PLCG2: variants seen among roughly 807,000 people sequenced by gnomAD.
PLCG2 encodes the protein 1-phosphatidylinositol 4,5-bisphosphate phosphodiesterase gamma-2.
In PLCG2, 69 loss-of-function variants were observed where a neutral mutation model predicts 175.6. The ratio of observed to expected loss-of-function variants is 0.39; its 90% CI spans 0.32 to 0.48. The LOEUF (loss-of-function observed/expected upper bound fraction) is 0.48. Ranked by LOEUF, PLCG2 falls within the 20% of genes least tolerant of loss-of-function variation. The pLI is 0.91. For missense variants in PLCG2, 1,798 were observed against 1,650.9 expected, an observed-to-expected ratio of 1.09 and a Z score of -1.54; for synonymous variants, 827 against 624.0, an observed-to-expected ratio of 1.33 and a Z score of -4.85.
intron 2 of PLCG2, among the ~76,000 whole-genome samples, chr16:81,759,053 C>T (rs1284875135): frequency 6.6e-6 from 1 of 152,130 alleles, no homozygotes; most frequent in African/African-American, 2.4e-5. Context: ...TTTACATTTC[C>T]CAGGAAGTAT....
At chr16:81,783,747 G>A (rs142995039) in intron 1 of PLCG2, among the ~76,000 whole-genome samples, 1 of 152,338 alleles carries the variant, frequency 6.6e-6, no homozygotes, top group East Asian at 1.9e-4. Context: ...GGGGCACCTT[G>A]TTCATCCCTT....
chr16:81,789,516 T>C (rs1424001077), intron 2 of PLCG2, among the ~76,000 whole-genome samples: 1 of 152,214 alleles, frequency 6.6e-6, no homozygotes, highest in African/African-American at 2.4e-5. Flanking sequence ...CTCCAACTCC[T>C]GGCCTCAAGT....
rs12596299 is a variant in PLCG2 at position 81,938,678 on chromosome 16, T to G, written c.3199-123T>G. On this transcript the variant is annotated intron_variant, in intron 28 of 32. Coordinates refer to ENST00000564138, the MANE Select transcript of PLCG2 (RefSeq NM_002661.5). The stretch of plus-strand genomic sequence containing the variant: ...AGGTTGCTCCGGCTTTTCCAGTGAA[T>G]CTAGGAAAATTAGGGCTGGCATTGA... 0.52 allele frequency: 324,061 copies of G among 618,102 alleles called. 88,725 individuals are homozygous for G. The highest frequency in any genetic ancestry group is 0.58 in the Non-Finnish European group (201,063 of 348,490). The allele number at this position is 618,102 out of a possible 1,614,324, so 38.3% of individuals were successfully genotyped here. A position where few individuals can be genotyped will look rare whatever the true frequency, so the allele number is the denominator to read the frequency against.
chr16:81,803,558 C>CTTTCCTTTCCTTTCCTTTCCTTTCCT (rs1555507858), intron 2 of PLCG2, among the ~76,000 whole-genome samples: 11 of 132,476 alleles, frequency 8.3e-5, no homozygotes, highest in Middle Eastern at 3.5e-3. Flanking sequence ...CCTTTCTTTC[C>CTTTCCTTTCCTTTCCTTTCCTTTCCT]TTCCTTTCCT....
intron 1 of PLCG2, among the ~76,000 whole-genome samples, chr16:81,751,825 C>T (rs1477708341): frequency 6.6e-6 from 1 of 152,032 alleles, no homozygotes; most frequent in Non-Finnish European, 1.5e-5. Context: ...AGTTCAAGAG[C>T]AGCCTGGCCA....
At chr16:81,833,246 TG>T (rs1315256830) in intron 2 of PLCG2, among the ~76,000 whole-genome samples, 1 of 152,232 alleles carries the variant, frequency 6.6e-6, no homozygotes, top group Non-Finnish European at 1.5e-5. Context: ...TTTACCTTTC[TG>T]TGGGGGCCAC....
chr16:81,841,572 A>G (rs537983071), intron 2 of PLCG2, among the ~76,000 whole-genome samples: 1 of 152,150 alleles, frequency 6.6e-6, no homozygotes, highest in South Asian at 2.1e-4. Context: ...GTTTTTTTTC[A>G]GATATATCTC....
intron 2 of PLCG2, among the ~76,000 whole-genome samples, chr16:81,793,901 T>C (rs7205843): frequency 1 from 152,259 of 152,336 alleles, 76,091 homozygotes; most frequent in Non-Finnish European, 1. Context: ...TCTTCCCAGT[T>C]TCAGTCTCAA....
At chr16:81,957,694 C>T (rs1325960362) in intron 32 of PLCG2, among the ~76,000 whole-genome samples, 1 of 152,144 alleles carries the variant, frequency 6.6e-6, no homozygotes, top group Non-Finnish European at 1.5e-5. Flanking sequence ...AACTGTGCTG[C>T]CTCCCTTACT....
chr16:81,809,921 C>G (rs1904302985), intron 2 of PLCG2, among the ~76,000 whole-genome samples: 1 of 152,054 alleles, frequency 6.6e-6, no homozygotes, highest in African/African-American at 2.4e-5. Flanking sequence ...TCACAGCATC[C>G]AAGATGCAAT....
chr16:81,910,188 A>C (rs1360241896), intron 17 of PLCG2, among the ~76,000 whole-genome samples: 1 of 152,030 alleles, frequency 6.6e-6, no homozygotes, highest in Non-Finnish European at 1.5e-5. Flanking sequence ...TCTCCCAGGT[A>C]CAAGTGATTC....
chr16:81,789,280 G>C (rs546805961), intron 2 of PLCG2, among the ~76,000 whole-genome samples: 14 of 152,156 alleles, frequency 9.2e-5, no homozygotes, highest in Admixed American at 2.0e-4. Flanking sequence ...ACTCGCTTAC[G>C]CGGATGCGCT....
At chr16:81,838,115 G>C (rs986402234) in intron 2 of PLCG2, among the ~76,000 whole-genome samples, 16 of 149,560 alleles carry the variant, frequency 1.1e-4, no homozygotes, top group African/African-American at 3.5e-4. Context: ...GTCTGGCTCT[G>C]TTGCCCAGGC....
chr16:81,876,654 G>A (rs1907804419), intron 7 of PLCG2, among the ~76,000 whole-genome samples: 1 of 152,158 alleles, frequency 6.6e-6, no homozygotes, highest in South Asian at 2.1e-4. Context: ...ATGTGTGCGT[G>A]ACCCAAGAGG....
intron 2 of PLCG2, among the ~76,000 whole-genome samples, chr16:81,837,027 G>A (rs1294989402): frequency 1.3e-5 from 2 of 152,124 alleles, no homozygotes; most frequent in Non-Finnish European, 2.9e-5. Context: ...GTTCTCCATG[G>A]GAAGACTCAA....
chr16:81,848,347 T>C (rs11150417), intron 2 of PLCG2, among the ~76,000 whole-genome samples: 31,259 of 152,108 alleles, frequency 0.21, 4,056 homozygotes, highest in East Asian at 0.56. Flanking sequence ...TGCAGCTCTT[T>C]CCTGGGGCAG....
At chr16:81,752,353 C>A (rs1909829974) in intron 1 of PLCG2, among the ~76,000 whole-genome samples, 1 of 152,232 alleles carries the variant, frequency 6.6e-6, no homozygotes, top group Non-Finnish European at 1.5e-5. Context: ...CTCCTCCACT[C>A]TGCCTGACAG....
intron 1 of PLCG2, among the ~76,000 whole-genome samples, chr16:81,784,417 C>G (rs1230857865): frequency 2.0e-5 from 3 of 152,216 alleles, no homozygotes; most frequent in African/African-American, 7.2e-5. Flanking sequence ...GATGAGGGAA[C>G]CGAGCCACAG....
rs71146043 is a variant in PLCG2, at chr16:81,769,819, C to CA, written c.-48+13880dup. On this transcript the variant is annotated intron_variant, in intron 2 of 5. Coordinates refer to the PLCG2 transcript ENST00000565054. ...TGGGCGACAGAGCGAGACTCCGTCT[C>CA]AAAAAAAAAAAAAAAAAAAAAAAAA... is the stretch of plus-strand genomic sequence containing the variant. 7.3e-3 allele frequency among the ~76,000 whole-genome samples: 552 copies of CA among 75,662 alleles called. 12 individuals carry two copies. The highest frequency in any genetic ancestry group is 0.012 in the Middle Eastern group (1 of 86). The allele number at this position is 75,662 out of a possible 152,430, so 49.6% of individuals were successfully genotyped here.
Sources: gnomAD v4.1 joint callset for allele counts (sites outside exome capture counted in the v4.1 genomes callset) on GRCh38, gnomAD v4.1.1 for gene constraint, MANE v1.5 for transcripts, NCBI Gene and HGNC (gene_info 2026-07-23, HGNC 2026-07-21) for gene names.